The following CCDC186 variants were observed in gnomAD, a reference collection of about 807,000 sequenced individuals.
CCDC186 encodes the protein coiled-coil domain containing 186.
Under a neutral mutation model 113.7 loss-of-function variants are expected in CCDC186, and 49 were observed. The ratio of observed to expected loss-of-function variants is 0.43; its 90% CI spans 0.34 to 0.55. CCDC186 has a LOEUF of 0.55. Ranked by LOEUF, CCDC186 falls within the 20% of genes least tolerant of loss-of-function variation. CCDC186 has a pLI of 0.02. For synonymous variants in CCDC186, 355 were observed against 345.8 expected, an observed-to-expected ratio of 1.03 and a Z score of -0.30; for missense variants, 890 against 1,011.1, an observed-to-expected ratio of 0.88 and a Z score of 1.62.
At chr10:114,138,124 C>T (rs893229226) in intron 6 of CCDC186, among the ~76,000 whole-genome samples, 1 of 130,762 alleles carries the variant, frequency 7.6e-6, no homozygotes, top group African/African-American at 2.8e-5. Context: ...CCTGTAATCC[C>T]AGCTACTCGG....
intron 14 of CCDC186, 84 bp from the exon 15 acceptor site, chr10:114,126,189 T>C: frequency 1.0e-6 from 1 of 1,003,836 alleles, no homozygotes; most frequent in Non-Finnish European, 1.5e-6. Flanking sequence ...ATCATAAAGA[T>C]AAGCATAAAA....
At chr10:114,162,115 TATA>T (rs1187034095) in intron 2 of CCDC186, 2 of 152,298 alleles carry the variant, frequency 1.3e-5, no homozygotes, top group African/African-American at 4.8e-5. Context: ...AGTGTGAATA[TATA>T]ATAACACTAC....
intron 7 of CCDC186, 57 bp downstream of exon 7, chr10:114,137,129 G>T: frequency 1.5e-6 from 2 of 1,338,734 alleles, no homozygotes; most frequent in South Asian, 1.2e-5. Flanking sequence ...AAAAGAAAAA[G>T]AGAGAACTGA....
At chr10:114,150,246 A>T (rs1181358484) in intron 4 of CCDC186, among the ~76,000 whole-genome samples, 1 of 152,236 alleles carries the variant, frequency 6.6e-6, no homozygotes, top group Non-Finnish European at 1.5e-5. Flanking sequence ...TTTTGTGGAT[A>T]CAGAAATGAA....
chr10:114,169,642 T>C (rs1442185513), intron 1 of CCDC186, among the ~76,000 whole-genome samples: 1 of 152,356 alleles, frequency 6.6e-6, no homozygotes, highest in South Asian at 2.1e-4. Flanking sequence ...TAATGGTTTA[T>C]TGTCCTTTGT....
At chr10:114,168,928 T>A (rs2032410030) in intron 1 of CCDC186, among the ~76,000 whole-genome samples, 5 of 152,226 alleles carry the variant, frequency 3.3e-5, no homozygotes, top group Admixed American at 3.3e-4. Flanking sequence ...AAGAGATACA[T>A]TTCCAAACTA....
intron 4 of CCDC186, among the ~76,000 whole-genome samples, chr10:114,150,211 A>C (rs2031804000): frequency 6.6e-6 from 1 of 152,198 alleles, no homozygotes; most frequent in African/African-American, 2.4e-5. Flanking sequence ...GTGAAGACTA[A>C]TTGTTAGTCA....
chr10:114,140,446 A>C (rs140842350), intron 6 of CCDC186, among the ~76,000 whole-genome samples: 1 of 152,360 alleles, frequency 6.6e-6, no homozygotes, highest in Admixed American at 6.5e-5. Flanking sequence ...AATGGAGGAA[A>C]GGGTACATTT....
chr10:114,144,425 A>G lies in CCDC186; in HGVS notation c.1221+72T>C, dbSNP rs559110191. On this transcript the variant is annotated intron_variant, in intron 6 of 15. Transcript: ENST00000369287. ...TGAAAGAGCGAGACTCCGTCTCAAAAAAAAAACAAAAACAAAAACAAAAAC... is the reference window on the plus strand; with the variant it reads ...TGAAAGAGCGAGACTCCGTCTCAAAGAAAAAACAAAAACAAAAACAAAAAC... The G allele has an allele frequency of 4.6e-4, 709 of 1,536,168 alleles. 5 individuals are homozygous for G. In the African/African-American group the frequency reaches 9.1e-3, roughly 20 times the overall value.
At chr10:114,149,786 CA>C (rs2031783175) in intron 4 of CCDC186, among the ~76,000 whole-genome samples, 1 of 48,098 alleles carries the variant, frequency 2.1e-5, no homozygotes, top group African/African-American at 1.0e-4. Flanking sequence ...GGCAGGAAGG[CA>C]GGAAGGAAGG....
chr10:114,166,651 C>A (rs115460176), intron 1 of CCDC186, among the ~76,000 whole-genome samples: 1 of 152,176 alleles, frequency 6.6e-6, no homozygotes, highest in Non-Finnish European at 1.5e-5. Flanking sequence ...TACATTTACA[C>A]GCATTTTTGC....
intron 4 of CCDC186, among the ~76,000 whole-genome samples, chr10:114,147,060 G>A (rs1004453858): frequency 6.6e-6 from 1 of 152,220 alleles, no homozygotes; most frequent in Non-Finnish European, 1.5e-5. Context: ...GTAACAATGT[G>A]CTTGTAGACA....
intron 6 of CCDC186, among the ~76,000 whole-genome samples, chr10:114,140,562 T>C (rs1287677474): frequency 6.6e-6 from 1 of 152,190 alleles, no homozygotes; most frequent in Non-Finnish European, 1.5e-5. Context: ...CCTTAAGTCG[T>C]TCAAGATGTT....
In CCDC186 at chr10:114,122,145, G is replaced by C. The variant is rs999329418; in HGVS notation, c.*2998C>G. ...TTTCATTAGACCATGAACTCCATGA[G>C]GATGGAAATGCCCTGGTCTGCTCAC... On this transcript the variant is annotated 3_prime_UTR_variant, in exon 16 of 16. Coordinates refer to ENST00000369287, the MANE Select transcript of CCDC186 (RefSeq NM_018017.4). The C allele has an allele frequency of 1.3e-5, 2 of 152,244 alleles. No homozygotes were observed. The highest frequency in any genetic ancestry group is 1.3e-4 in the Admixed American group (2 of 15,288). The allele number at this position is 152,244 out of a possible 1,614,324, so 9.4% of individuals were successfully genotyped here. A position where few individuals can be genotyped will look rare whatever the true frequency, so the allele number is the denominator to read the frequency against.
chr10:114,140,933 G>C (rs778987985), intron 6 of CCDC186, among the ~76,000 whole-genome samples: 45 of 151,022 alleles, frequency 3.0e-4, no homozygotes, highest in Admixed American at 1.6e-3. Flanking sequence ...ACAGGATCTT[G>C]CTGTGTTGCC....
chr10:114,162,641 T>C lies in CCDC186; in HGVS notation c.628A>G (p.Lys210Glu). The change falls in exon 2 of 16, where the codon AAA becomes GAA. Residue 210 changes from lysine (K) to glutamate (E), a missense_variant. Coordinates refer to ENST00000369287, the MANE Select transcript of CCDC186 (RefSeq NM_018017.4). ...CTAAAGGTATAAAAAACTTACTTTTTTATGATATGTTCCTGCTGCAAATAT... is the reference window on the plus strand; with the variant it reads ...CTAAAGGTATAAAAAACTTACTTTTCTATGATATGTTCCTGCTGCAAATAT... Reference protein sequence around the residue: ...DKYLQQEHIIKKLIKENKKHQ... With the variant: ...DKYLQQEHIIEKLIKENKKHQ... 1 of 1,551,584 alleles carries C rather than the reference T, an allele frequency of 6.4e-7. No individual in the cohort carries two copies. The highest frequency in any genetic ancestry group is 8.7e-7 in the Non-Finnish European group (1 of 1,153,960).
chr10:114,136,064 A>T (rs1054109888), intron 8 of CCDC186, 84 bp downstream of exon 8: 2 of 1,500,726 alleles, frequency 1.3e-6, no homozygotes, highest in Non-Finnish European at 1.8e-6. Context: ...AAAGGCCTTA[A>T]AAGTAGATAG....
rs1316246464 is a variant in CCDC186, at chr10:114,145,732, T to C, written c.918A>G (p.Gln306=). Residue 306 remains glutamine, a synonymous_variant, in exon 5 of 16, where the codon CAA becomes CAG. Transcript: ENST00000369287. ...ATTTCATTACCATTGCTTCTTTTTC[T>C]TGGCGTGCCTCTTCACATTTCTTGT... ...QANKKCEEAR[Q]EKEAMVMKYV... The C allele has an allele frequency of 6.3e-7, 1 of 1,595,824 alleles. No homozygotes were observed. The highest frequency in any genetic ancestry group is 1.2e-5 in the South Asian group (1 of 85,746).
intron 1 of CCDC186, among the ~76,000 whole-genome samples, chr10:114,167,145 C>G (rs2032359427): frequency 6.6e-6 from 1 of 151,808 alleles, no homozygotes; most frequent in South Asian, 2.1e-4. Flanking sequence ...CTCAGCCTCC[C>G]AAGTAGCTGG....
Sources: allele counts gnomAD v4.1 joint callset (sites outside exome capture counted in the v4.1 genomes callset), GRCh38; gene constraint gnomAD v4.1.1; transcripts MANE v1.5; gene names NCBI Gene and HGNC (gene_info 2026-07-23, HGNC 2026-07-21).